DIPK1B: variants seen among roughly 807,000 people sequenced by gnomAD.
DIPK1B encodes divergent protein kinase domain 1B, also known as family with sequence similarity 69 member B.
In DIPK1B, 17 loss-of-function variants were observed where a neutral mutation model predicts 20.7. The ratio of observed to expected loss-of-function variants is 0.82; its 90% confidence interval spans 0.56 to 1.23. The LOEUF (loss-of-function observed/expected upper bound fraction) is 1.23. Among genes scored for constraint, DIPK1B ranks in the 50% most tolerant of loss-of-function variants. The pLI, the probability that DIPK1B is intolerant of heterozygous loss-of-function variation, is 0.00. For synonymous variants in DIPK1B, 343 were observed against 276.5 expected (o/e 1.24, Z -2.39); for missense variants, 648 against 601.8 (o/e 1.08, Z -0.80).
At chr9:136,720,353 G>C (rs1161532409) in intron 2 of DIPK1B, among the ~76,000 whole-genome samples, 1 of 152,118 alleles carries the variant, frequency 6.6e-6, no homozygotes, top group Non-Finnish European at 1.5e-5. Flanking sequence ...GGGGGGCGGG[G>C]ACCCTCCCTC....
chr9:136,722,238 T>C lies in DIPK1B; in HGVS notation c.420T>C (p.Phe140=). The part of the protein sequence containing the change: ...DAAPRRELVL[F]DKPTRGTSIK... ...CCCCCCGGCGGGAGCTGGTACTGTT[T>C]GACAAGCCCACCCGGGGCACCTCCA... Residue 140 remains phenylalanine (F), a synonymous_variant, in exon 4 of 5, where the codon TTT becomes TTC. Transcript: ENST00000371692. The C allele has an allele frequency of 6.2e-7, 1 of 1,613,910 alleles. No individual in the cohort carries two copies. The highest frequency in any genetic ancestry group is 8.5e-7 in the Non-Finnish European group (1 of 1,179,982).
intron 4 of DIPK1B, 152 bp downstream of exon 4, chr9:136,722,453 A>G (rs1239752969): frequency 1.6e-5 from 15 of 943,034 alleles, no homozygotes; most frequent in Non-Finnish European, 2.2e-5. Flanking sequence ...CCTGGGCATG[A>G]GCCCTGCCAG....
rs116738103 is a variant in DIPK1B at position 136,714,018 on chromosome 9, C to G, written c.63+1290C>G. On this transcript the variant is annotated intron_variant, in intron 1 of 4. Transcript: ENST00000371692. ...CCCCTGCAAAGCCCCAGCCCAGGTCCTGGATGGTGGGGCCACCTCCACACT... is the reference window on the plus strand; with the variant it reads ...CCCCTGCAAAGCCCCAGCCCAGGTCGTGGATGGTGGGGCCACCTCCACACT... 4.8e-3 allele frequency among the ~76,000 whole-genome samples: 733 copies of G among 152,358 alleles called. 11 individuals carry two copies. The highest frequency in any genetic ancestry group is 0.017 in the African/African-American group (700 of 41,576).
intron 2 of DIPK1B, among the ~76,000 whole-genome samples, chr9:136,718,183 CCG>C (rs1846531154): frequency 1.2e-4 from 4 of 33,814 alleles, no homozygotes; most frequent in Non-Finnish European, 2.3e-4. Context: ...ATAGAGACCA[CCG>C]TGTGCTGGCC....
chr9:136,718,622 C>T (rs1196399265), intron 2 of DIPK1B, among the ~76,000 whole-genome samples: 5 of 152,212 alleles, frequency 3.3e-5, no homozygotes, highest in African/African-American at 1.2e-4. Context: ...TCCGATGCCT[C>T]CACTCCCCTT....
At chr9:136,717,154 G>C (rs568310315) in intron 1 of DIPK1B, among the ~76,000 whole-genome samples, 5 of 151,910 alleles carry the variant, frequency 3.3e-5, no homozygotes, top group Non-Finnish European at 7.4e-5. Context: ...ACTTGAACCC[G>C]GGAGGCAGAG....
intron 1 of DIPK1B, among the ~76,000 whole-genome samples, chr9:136,713,324 C>T (rs1370144219): frequency 4.6e-5 from 7 of 152,188 alleles, no homozygotes; most frequent in African/African-American, 1.4e-4. Context: ...CATCCGGGGC[C>T]CGGCCTCGGA....
At chr9:136,721,496 T>C (rs7466679) in intron 2 of DIPK1B, 46,171 of 184,140 alleles carry the variant, frequency 0.25, 6,175 homozygotes, top group African/African-American at 0.31. Flanking sequence ...GCTGGTGGTG[T>C]AGATATTAGG....
chr9:136,721,411 T>C (rs1201256917), intron 2 of DIPK1B: 2 of 157,968 alleles, frequency 1.3e-5, no homozygotes, highest in Non-Finnish European at 2.8e-5. Context: ...GCGCCATGAG[T>C]CAGGGGGTGC....
Position 136,722,226 on chromosome 9 carries a change from GC to G in DIPK1B, c.409del (p.Leu137TrpfsTer19). The stretch of plus-strand genomic sequence containing the variant: ...GGTCGGATGCGGCCCCCCGGCGGGA[GC>G]TGGTACTGTTTGACAAGCCCACCCG... ...ARSDAAPRRE[L>X]VLFDKPTRGT... On this transcript the variant is annotated frameshift_variant, in exon 4 of 5. Transcript: ENST00000371692. LOFTEE classifies it high-confidence loss of function. 1 of 1,614,006 alleles carries G rather than the reference GC, an allele frequency of 6.2e-7. No individual in the cohort carries two copies. Among genetic ancestry groups the G allele is most frequent in the Non-Finnish European group, 8.5e-7 (1 of 1,180,000 alleles).
intron 2 of DIPK1B, among the ~76,000 whole-genome samples, chr9:136,719,754 C>T (rs1380929659): frequency 6.6e-6 from 1 of 152,246 alleles, no homozygotes; most frequent in Non-Finnish European, 1.5e-5. Context: ...AGCCCCAGCC[C>T]CAGCCCCAGC....
In DIPK1B at chr9:136,723,128, A is replaced by G. The variant is rs779956518; in HGVS notation, c.650A>G (p.His217Arg). 1.2e-6 allele frequency: 2 copies of G among 1,613,562 alleles called. No individual in the cohort carries two copies. Among genetic ancestry groups the G allele is most frequent in the Non-Finnish European group, 1.7e-6 (2 of 1,180,034 alleles). ...CTGCTGTCCCTGCAGGAGAAGGAGC[A>G]CGCCTCCAGACTGCTGGGCTACTGT... is the stretch of plus-strand genomic sequence containing the variant. ...LLLLSLQEKE[H>R]ASRLLGYCGD... The change falls in exon 5 of 5, where the codon CAC becomes CGC. Residue 217 changes from histidine to arginine, a missense_variant. Coordinates refer to ENST00000371692, the MANE Select transcript of DIPK1B (RefSeq NM_152421.4).
chr9:136,720,040 T>G (rs1181628922), intron 2 of DIPK1B, among the ~76,000 whole-genome samples: 1 of 142,696 alleles, frequency 7.0e-6, no homozygotes, highest in Non-Finnish European at 1.5e-5. Context: ...GCGCAGGGGC[T>G]GGTCTGGGGC....
Position 136,723,543 on chromosome 9 carries a change from G to T in DIPK1B, c.1065G>T (p.Arg355Ser). The change falls in exon 5 of 5, where the codon AGG (arginine) becomes AGT (serine). Residue 355 changes from arginine to serine, a missense_variant. Physicochemically the swap from Arg to Ser is moderately radical, Grantham distance 110. Transcript: ENST00000371692. ...DCRAPCDRLM[R>S]QCKGDLIQPN... Reference sequence around the variant, plus strand: ...GGGCCCCGTGTGACAGGCTCATGAGGCAGTGCAAGGGCGACCTCATCCAGC... The same window carrying T: ...GGGCCCCGTGTGACAGGCTCATGAGTCAGTGCAAGGGCGACCTCATCCAGC... The T allele has an allele frequency of 6.3e-7, 1 of 1,599,292 alleles. No individual in the cohort carries two copies. Among genetic ancestry groups the T allele is most frequent in the Non-Finnish European group, 8.5e-7 (1 of 1,173,324 alleles).
intron 4 of DIPK1B, chr9:136,722,594 G>A (rs1465026995): frequency 1.6e-5 from 9 of 563,598 alleles, no homozygotes; most frequent in Non-Finnish European, 9.5e-6. Flanking sequence ...GGAGACCAGG[G>A]CTTGTGGAAA....
intron 1 of DIPK1B, among the ~76,000 whole-genome samples, chr9:136,714,857 G>C (rs745444028): frequency 6.6e-6 from 1 of 152,218 alleles, no homozygotes; most frequent in African/African-American, 2.4e-5. Flanking sequence ...GCGGCCATCC[G>C]TGAGTGGATG....
intron 2 of DIPK1B, chr9:136,721,009 A>T (rs1387816247): frequency 6.6e-6 from 1 of 152,428 alleles, no homozygotes; most frequent in African/African-American, 2.4e-5. Context: ...AGAAGCTGCC[A>T]TGCAGGTGTG....
At chr9:136,722,881 A>C (rs1846631393) in intron 4 of DIPK1B, 81 bp from the exon 5 acceptor site, 2 of 1,413,428 alleles carry the variant, frequency 1.4e-6, no homozygotes, top group Non-Finnish European at 1.9e-6. Context: ...CCACCCCGCC[A>C]GGAGGACCAG....
Position 136,721,873 on chromosome 9 carries a change from G to A in DIPK1B, c.199-48G>A, listed in dbSNP as rs199739771. The stretch of plus-strand genomic sequence containing the variant: ...GGCCTGTGGGCAGGGGCTCAGTGGG[G>A]CAGGGGTGTGGCTGCCCCGCCCGGC... On this transcript the variant is annotated intron_variant, in intron 2 of 4. Transcript: ENST00000371692. 110 of 1,567,610 alleles carry A rather than the reference G, an allele frequency of 7.0e-5. 1 individual carries two copies. In the Admixed American group the frequency reaches 1.3e-3, roughly 18 times the overall value.
Sources: allele counts gnomAD v4.1 joint callset (sites outside exome capture counted in the v4.1 genomes callset), GRCh38; gene constraint gnomAD v4.1.1; transcripts MANE v1.5; gene names NCBI Gene and HGNC (gene_info 2026-07-23, HGNC 2026-07-21).